Variants in FHIT observed in about 807,000 individuals in gnomAD.
FHIT encodes bis(5'-adenosyl)-triphosphatase.
A neutral mutation model predicts 17.9 loss-of-function variants in FHIT; 19 were observed. That is an observed-to-expected ratio of 1.06 (90% confidence interval 0.74 to 1.56). The LOEUF (loss-of-function observed/expected upper bound fraction) is 1.56. FHIT is among the 40% of genes most tolerant of loss of function. The pLI, the probability that FHIT is intolerant of heterozygous loss-of-function variation, is 0.00. For missense variants in FHIT, 248 were observed against 189.2 expected (o/e 1.31, Z -1.82); for synonymous variants, 81 against 69.7 (o/e 1.16, Z -0.81).
intron 5 of FHIT, among the ~76,000 whole-genome samples, chr3:60,416,616 AT>A (rs895201355): frequency 2.0e-5 from 3 of 151,958 alleles, no homozygotes; most frequent in African/African-American, 7.3e-5. Context: ...TCATATCGTG[AT>A]TTTTTTTCAA....
At chr3:60,970,348 A>G (rs538117752) in intron 3 of FHIT, among the ~76,000 whole-genome samples, 2 of 152,072 alleles carry the variant, frequency 1.3e-5, no homozygotes, top group Non-Finnish European at 2.9e-5. Context: ...GAATCTTTAT[A>G]TGGATTTATA....
At chr3:59,908,160 G>C (rs775595622) in intron 8 of FHIT, among the ~76,000 whole-genome samples, 1 of 152,204 alleles carries the variant, frequency 6.6e-6, no homozygotes, top group Non-Finnish European at 1.5e-5. Flanking sequence ...CTATTATTTG[G>C]TCTTCCACAG....
At chr3:61,169,625 G>C (rs1223837214) in intron 2 of FHIT, among the ~76,000 whole-genome samples, 2 of 152,190 alleles carry the variant, frequency 1.3e-5, no homozygotes, top group Non-Finnish European at 2.9e-5. Context: ...AATGTGATGA[G>C]AAGTGAACTT....
intron 4 of FHIT, among the ~76,000 whole-genome samples, chr3:60,789,175 T>TATAG (rs1433649739): frequency 0.014 from 1,409 of 102,568 alleles, 24 homozygotes; most frequent in African/African-American, 0.038. Flanking sequence ...TATATATATA[T>TATAG]AGAGAGAGAG....
chr3:60,537,597 C>T (rs2594257), intron 4 of FHIT: 194,346 of 260,726 alleles, frequency 0.75, 72,530 homozygotes, highest in African/African-American at 0.82. Context: ...CTGGTTGTAA[C>T]AGGGCCACAA....
At chr3:60,969,942 G>A (rs1709926732) in intron 3 of FHIT, among the ~76,000 whole-genome samples, 1 of 152,078 alleles carries the variant, frequency 6.6e-6, no homozygotes, top group African/African-American at 2.4e-5. Context: ...ACAGCTCACT[G>A]CAACCTCTGC....
intron 2 of FHIT, among the ~76,000 whole-genome samples, chr3:61,052,615 T>C (rs1404986511): frequency 2.0e-5 from 3 of 152,314 alleles, no homozygotes; most frequent in Admixed American, 6.5e-5. Flanking sequence ...AAAGTTGTTA[T>C]TGGAGTCAAC....
At chr3:60,122,098 G>A in intron 5 of FHIT, among the ~76,000 whole-genome samples, 1 of 147,676 alleles carries the variant, frequency 6.8e-6, no homozygotes, top group East Asian at 2.0e-4. Context: ...TTCTTCAGAA[G>A]AGAAATTGCA....
At chr3:60,912,250 G>A (rs1706784009) in intron 3 of FHIT, among the ~76,000 whole-genome samples, 1 of 152,168 alleles carries the variant, frequency 6.6e-6, no homozygotes, top group South Asian at 2.1e-4. Flanking sequence ...TGTGTGCTAG[G>A]TTTTTGATTG....
At chr3:60,329,863 T>C (rs1709880635) in intron 5 of FHIT, among the ~76,000 whole-genome samples, 1 of 152,228 alleles carries the variant, frequency 6.6e-6, no homozygotes, top group Non-Finnish European at 1.5e-5. Context: ...TTTATATGTG[T>C]GTTTATATTT....
intron 9 of FHIT, chr3:59,750,519 G>A (rs1700835101): frequency 4.4e-6 from 1 of 225,480 alleles, no homozygotes; most frequent in Non-Finnish European, 8.8e-6. Context: ...ACGAGAGAGA[G>A]ATGGTGAACA....
intron 5 of FHIT, among the ~76,000 whole-genome samples, chr3:60,431,157 G>C (rs898463643): frequency 7.9e-5 from 12 of 151,666 alleles, no homozygotes; most frequent in African/African-American, 2.9e-4. Flanking sequence ...GCTGCAGTGA[G>C]CTGAGATCGC....
intron 5 of FHIT, among the ~76,000 whole-genome samples, chr3:60,522,106 G>GTT (rs372184170): frequency 0.68 from 90,885 of 133,164 alleles, 32,614 homozygotes; most frequent in Non-Finnish European, 0.78. Flanking sequence ...GCAACCAGAA[G>GTT]TTTTTTTTTT....
At chr3:60,846,011 T>C (rs1393145216) in intron 3 of FHIT, among the ~76,000 whole-genome samples, 1 of 152,194 alleles carries the variant, frequency 6.6e-6, no homozygotes, top group African/African-American at 2.4e-5. Flanking sequence ...TTGCATAAGA[T>C]TATTAAGAAA....
rs555045430 is a variant in FHIT at position 60,659,147 on chromosome 3, T to C, written c.-17-122168A>G. 1.4e-3 allele frequency among the ~76,000 whole-genome samples: 215 copies of C among 152,210 alleles called. 1 individual carries two copies. Among genetic ancestry groups the C allele is most frequent in the African/African-American group, 4.9e-3 (203 of 41,562 alleles). Reference sequence around the variant, plus strand: ...TTTCTGACAATAATTCTGATAATCGTATTGATGATTCCTTCTACATAATGA... The same window carrying C: ...TTTCTGACAATAATTCTGATAATCGCATTGATGATTCCTTCTACATAATGA... On this transcript the variant is annotated intron_variant, in intron 4 of 9. Transcript: ENST00000492590.
At chr3:59,838,819 G>T (rs952326893) in intron 8 of FHIT, among the ~76,000 whole-genome samples, 3 of 152,140 alleles carry the variant, frequency 2.0e-5, no homozygotes, top group Non-Finnish European at 4.4e-5. Context: ...GTTTTTTGAG[G>T]AGCCCTAGAT....
At chr3:60,832,319 T>A (rs576512159) in intron 3 of FHIT, among the ~76,000 whole-genome samples, 1 of 152,240 alleles carries the variant, frequency 6.6e-6, no homozygotes, top group Admixed American at 6.5e-5. Context: ...TTGACCTAAA[T>A]CACAGTTACT....
intron 3 of FHIT, among the ~76,000 whole-genome samples, chr3:60,830,679 G>A (rs1384294895): frequency 1.3e-5 from 2 of 152,148 alleles, no homozygotes; most frequent in African/African-American, 2.4e-5. Flanking sequence ...TACATTAGGA[G>A]AGCAAAAAGC....
chr3:60,649,015 A>G (rs781964412), intron 4 of FHIT, among the ~76,000 whole-genome samples: 5 of 152,226 alleles, frequency 3.3e-5, no homozygotes, highest in Admixed American at 2.6e-4. Context: ...ACACACATAT[A>G]TGTTATATAT....
Sources: gnomAD v4.1 joint callset for allele counts (sites outside exome capture counted in the v4.1 genomes callset) on GRCh38, gnomAD v4.1.1 for gene constraint, MANE v1.5 for transcripts, NCBI Gene and HGNC (gene_info 2026-07-23, HGNC 2026-07-21) for gene names.